PKIG: variants seen among roughly 807,000 people sequenced by gnomAD.
The protein encoded by PKIG is protein kinase (cAMP-dependent, catalytic) inhibitor gamma.
A neutral mutation model predicts 6.8 loss-of-function variants in PKIG; 1 was observed. That is an observed-to-expected ratio of 0.15 (90% CI 0.05 to 0.69). PKIG has a LOEUF of 0.69. Among genes scored for constraint, PKIG ranks in the 30% least tolerant of loss-of-function variants. The pLI is 0.82. For synonymous variants in PKIG, 39 were observed against 43.0 expected (o/e 0.91, Z 0.36); for missense variants, 77 against 104.0 (o/e 0.74, Z 1.13).
At chr20:44,595,985 T>G (rs554647631) in intron 2 of PKIG, among the ~76,000 whole-genome samples, 33 of 152,162 alleles carry the variant, frequency 2.2e-4, no homozygotes, top group Non-Finnish European at 2.8e-4. Context: ...TAAACACATT[T>G]TTGTTTTGTT....
upstream of PKIG, among the ~76,000 whole-genome samples, chr20:44,578,472 G>A (rs2064919276): frequency 6.6e-6 from 1 of 151,932 alleles, no homozygotes; most frequent in African/African-American, 2.4e-5. Context: ...TGCCTGCCTT[G>A]GCCTCCCAAA....
chr20:44,546,637 C>G (rs2064617096), intron 1 of PKIG, among the ~76,000 whole-genome samples: 1 of 150,976 alleles, frequency 6.6e-6, no homozygotes, highest in African/African-American at 2.5e-5. Flanking sequence ...ACTGTAGCCT[C>G]TACCTTCCCA....
rs1023604859 is a variant in PKIG, at chr20:44,560,424, C to G, written c.-240-22161C>G. On this transcript the variant is annotated intron_variant, in intron 1 of 4. Transcript: ENST00000372887. ...TCAGCAAAAGCCACAAAGTGTCACACCAGGTGAAAAGGGAAGTCCAAGTTT... is the reference window on the plus strand; with the variant it reads ...TCAGCAAAAGCCACAAAGTGTCACAGCAGGTGAAAAGGGAAGTCCAAGTTT... Among the ~76,000 whole-genome samples the G allele has an allele frequency of 4.6e-5, 7 of 152,246 alleles. No homozygotes were observed. In the East Asian group the frequency reaches 1.4e-3, roughly 29 times the overall value.
intron 1 of PKIG, among the ~76,000 whole-genome samples, chr20:44,541,459 T>A (rs994629411): frequency 6.6e-6 from 1 of 152,230 alleles, no homozygotes; most frequent in Non-Finnish European, 1.5e-5. Flanking sequence ...CAGCTAATTT[T>A]AAAATTTTTT....
At chr20:44,562,589 G>A in intron 1 of PKIG, among the ~76,000 whole-genome samples, 1 of 122,784 alleles carries the variant, frequency 8.1e-6, no homozygotes, top group African/African-American at 3.4e-5. Flanking sequence ...GGGACACAGT[G>A]AGACCCTGTC....
At chr20:44,582,953 C>T (rs1156654804) in intron 1 of PKIG, among the ~76,000 whole-genome samples, 1 of 152,204 alleles carries the variant, frequency 6.6e-6, no homozygotes, top group Non-Finnish European at 1.5e-5. Context: ...CATTCAGATG[C>T]TGTTTCATTT....
intron 1 of PKIG, among the ~76,000 whole-genome samples, chr20:44,583,189 G>A (rs1448374926): frequency 6.6e-6 from 1 of 152,126 alleles, no homozygotes; most frequent in Non-Finnish European, 1.5e-5. Context: ...TGGTTGTTGT[G>A]TTAAATTTCA....
rs2065065230 is a variant in PKIG at position 44,595,210 on chromosome 20, TAC to T, written c.-24+5353_-24+5354del. On this transcript the variant is annotated intron_variant, in intron 2 of 3. Coordinates refer to ENST00000372886, the MANE Select transcript of PKIG (RefSeq NM_001281445.2). Reference sequence around the variant, plus strand: ...AGCCCCCTGTGATCATAGGTATGGTTACACACACACGCAGAGAATATATACTT... The same window carrying T: ...AGCCCCCTGTGATCATAGGTATGGTTACACACACGCAGAGAATATATACTT... Among the ~76,000 whole-genome samples, 3 of 152,334 alleles carry T rather than the reference TAC, an allele frequency of 2.0e-5. No individual in the cohort carries two copies. In the Middle Eastern group the frequency reaches 0.01, roughly 518 times the overall value.
At chr20:44,616,971 G>T (rs563656515) in intron 3 of PKIG, among the ~76,000 whole-genome samples, 1 of 152,220 alleles carries the variant, frequency 6.6e-6, no homozygotes, top group Non-Finnish European at 1.5e-5. Context: ...CTTCAGGAAT[G>T]CTGCTTATTG....
intron 1 of PKIG, among the ~76,000 whole-genome samples, chr20:44,549,750 G>A (rs143036606): frequency 2.0e-5 from 3 of 152,244 alleles, no homozygotes; most frequent in East Asian, 3.9e-4. Flanking sequence ...GCTTGAGCCC[G>A]GGAGGTAGAA....
At chr20:44,597,229 A>G (rs968981052) in intron 2 of PKIG, among the ~76,000 whole-genome samples, 9 of 75,720 alleles carry the variant, frequency 1.2e-4, no homozygotes, top group Non-Finnish European at 1.7e-4. Context: ...CCCACCCGGC[A>G]TTATTAGAAT....
intron 1 of PKIG, among the ~76,000 whole-genome samples, chr20:44,548,669 A>G (rs1306205835): frequency 2.6e-5 from 4 of 152,264 alleles, no homozygotes; most frequent in Middle Eastern, 6.8e-3. Context: ...GATTTTGCTT[A>G]TAACAATTTG....
At chr20:44,576,395 G>A (rs2064898723) in intron 1 of PKIG, among the ~76,000 whole-genome samples, 1 of 152,106 alleles carries the variant, frequency 6.6e-6, no homozygotes, top group Non-Finnish European at 1.5e-5. Context: ...CATGAGACCA[G>A]TACAGCAGGG....
In PKIG at chr20:44,554,262, TAGTAGAG is replaced by T. The variant is rs951396524; in HGVS notation, c.-241+22286_-241+22292del. Among the ~76,000 whole-genome samples, 3 of 152,042 alleles carry T rather than the reference TAGTAGAG, an allele frequency of 2.0e-5. 1 individual carries two copies. Among genetic ancestry groups the T allele is most frequent in the Non-Finnish European group, 4.4e-5 (3 of 67,998 alleles). On this transcript the variant is annotated intron_variant, in intron 1 of 4. Transcript: ENST00000372887. ...CTGGCTAATTTTTTTTTTGTATTTTTAGTAGAGACAGGGTTTCACCATGTTGGTCAGG... is the reference window on the plus strand; with the variant it reads ...CTGGCTAATTTTTTTTTTGTATTTTTACAGGGTTTCACCATGTTGGTCAGG...
intron 3 of PKIG, among the ~76,000 whole-genome samples, chr20:44,615,215 C>T (rs958494023): frequency 1.1e-4 from 16 of 152,322 alleles, no homozygotes; most frequent in Admixed American, 3.3e-4. Flanking sequence ...TGCTGTAGGC[C>T]GGGCCCTGCC....
upstream of PKIG, among the ~76,000 whole-genome samples, chr20:44,578,089 C>T (rs1008518504): frequency 2.1e-4 from 32 of 152,006 alleles, no homozygotes; most frequent in Admixed American, 5.2e-4. Context: ...GCCTGTAATC[C>T]CAGCACTTTG....
chr20:44,618,429 G>GC lies in PKIG; in HGVS notation c.*66dup. 1 of 1,099,176 alleles carries GC rather than the reference G, an allele frequency of 9.1e-7. No homozygotes were observed. Among genetic ancestry groups the GC allele is most frequent in the Non-Finnish European group, 1.4e-6 (1 of 711,842 alleles). 68.1% of individuals were successfully genotyped at this position (1,099,176 alleles called of 1,614,324 possible). On this transcript the variant is annotated 3_prime_UTR_variant, in exon 4 of 4. Transcript: ENST00000372886. Reference sequence around the variant, plus strand: ...GTCCCCTCCCAGAGGGGGAACCCTGGCACTGGCCCAGCAGCCTCTTCTCTG... The same window carrying GC: ...GTCCCCTCCCAGAGGGGGAACCCTGGCCACTGGCCCAGCAGCCTCTTCTCTG...
rs190556385 is a variant in PKIG, at chr20:44,558,669, C to G, written c.-240-23916C>G. On this transcript the variant is annotated intron_variant, in intron 1 of 4. Transcript: ENST00000372887. ...TTCTTTCTCCTTCCTTCCTTCCTCT[C>G]TCTCTTTCTTTCTTTCTCTTTTTCT... Among the ~76,000 whole-genome samples, 1,395 of 143,816 alleles carry G rather than the reference C, an allele frequency of 9.7e-3. 8 individuals carry two copies. The highest frequency in any genetic ancestry group is 0.015 in the Non-Finnish European group (1,006 of 66,512). 94.3% of individuals were successfully genotyped at this position (143,816 alleles called of 152,430 possible). A position where few individuals can be genotyped will look rare whatever the true frequency, so the allele number is the denominator to read the frequency against.
At chr20:44,613,111 G>A (rs868459954) in intron 2 of PKIG, among the ~76,000 whole-genome samples, 2 of 152,190 alleles carry the variant, frequency 1.3e-5, no homozygotes, top group African/African-American at 4.8e-5. Context: ...TCTCTAGACT[G>A]TGTTACCAAG....
Sources: allele counts gnomAD v4.1 joint callset (sites outside exome capture counted in the v4.1 genomes callset), GRCh38; gene constraint gnomAD v4.1.1; transcripts MANE v1.5; gene names NCBI Gene and HGNC (gene_info 2026-07-23, HGNC 2026-07-21).